SPPL3: variants seen among roughly 807,000 people sequenced by gnomAD.
The protein encoded by SPPL3 is signal peptide peptidase-like 3.
A neutral mutation model predicts 42.4 loss-of-function variants in SPPL3; 5 were observed. The observed-to-expected ratio is 0.12, with a 90% CI of 0.06 to 0.25. The LOEUF (loss-of-function observed/expected upper bound fraction) is 0.25. SPPL3 is among the 10% of genes least tolerant of loss of function. The probability of loss-of-function intolerance (pLI) is 1.00; values close to 1 mark genes in which losing one functional copy is unlikely to be tolerated. For synonymous variants in SPPL3, 195 were observed against 181.8 expected, an observed-to-expected ratio of 1.07 and a Z score of -0.58; for missense variants, 235 against 489.0, an observed-to-expected ratio of 0.48 and a Z score of 4.90.
chr12:120,853,000 T>A (rs11065295), intron 1 of SPPL3, among the ~76,000 whole-genome samples: 13,326 of 151,446 alleles, frequency 0.088, 1,719 homozygotes, highest in African/African-American at 0.29. Context: ...GTTCAAGCGA[T>A]TCTCCTGCCT....
In SPPL3 at chr12:120,799,985, G is replaced by A. The variant is rs900369660; in HGVS notation, c.102-8428C>T. On this transcript the variant is annotated intron_variant, in intron 2 of 10. Transcript: ENST00000353487. ...TTTTCAATTATAGGCCTTTAACTTAGCTTATTTGGTAATTTATTAAGTGCA... is the reference window on the plus strand; with the variant it reads ...TTTTCAATTATAGGCCTTTAACTTAACTTATTTGGTAATTTATTAAGTGCA... Among the ~76,000 whole-genome samples the A allele has an allele frequency of 2.0e-5, 3 of 152,216 alleles. No individual in the cohort carries two copies. In the East Asian group the frequency reaches 5.8e-4, roughly 29 times the overall value.
rs544892348 is a variant in SPPL3, at chr12:120,840,057, G to C, written c.24-29171C>G. On this transcript the variant is annotated intron_variant, in intron 1 of 10. Coordinates refer to ENST00000353487, the MANE Select transcript of SPPL3 (RefSeq NM_139015.5). ...ACACTTTGGGAGGCCGAGGCGGGTG[G>C]ATCACGAGGTCAGGAGTTCAAGACC... Among the ~76,000 whole-genome samples, 4 of 152,060 alleles carry C rather than the reference G, an allele frequency of 2.6e-5. No individual in the cohort carries two copies. In the South Asian group the frequency reaches 8.3e-4, roughly 32 times the overall value.
intron 3 of SPPL3, among the ~76,000 whole-genome samples, chr12:120,789,451 C>CAA (rs60082359): frequency 2.1e-5 from 2 of 96,198 alleles, no homozygotes; most frequent in South Asian, 4.5e-4. Flanking sequence ...GACTCTGTCT[C>CAA]AAAAAAAAAA....
chr12:120,776,137 G>A (rs1166052488), intron 6 of SPPL3, among the ~76,000 whole-genome samples: 2 of 152,230 alleles, frequency 1.3e-5, no homozygotes, highest in Admixed American at 6.5e-5. Context: ...TCACAAGGGC[G>A]TTTCAACCAG....
At chr12:120,829,521 A>AG (rs1871329992) in intron 1 of SPPL3, among the ~76,000 whole-genome samples, 1 of 152,014 alleles carries the variant, frequency 6.6e-6, no homozygotes, top group Non-Finnish European at 1.5e-5. Context: ...GCTTGGACCT[A>AG]GGGGGCAGGG....
At chr12:120,903,718 G>A (rs1874057819) in intron 1 of SPPL3, 127 bp downstream of exon 1, 3 of 729,750 alleles carry the variant, frequency 4.1e-6, no homozygotes, top group South Asian at 4.5e-5. Context: ...AGGGGGGCGT[G>A]CACCCCAACC....
chr12:120,852,128 G>A (rs1305799585), intron 1 of SPPL3, among the ~76,000 whole-genome samples: 7 of 151,868 alleles, frequency 4.6e-5, no homozygotes, highest in Admixed American at 6.6e-5. Context: ...GCAGGCCTGC[G>A]CTCCTCACAT....
intron 6 of SPPL3, among the ~76,000 whole-genome samples, chr12:120,775,427 C>T (rs753638907): frequency 6.6e-6 from 1 of 152,194 alleles, no homozygotes; most frequent in African/African-American, 2.4e-5. Context: ...GTTGGGATTA[C>T]AGGTGTGAGC....
rs572831164 is a variant in SPPL3 at position 120,796,811 on chromosome 12, C to T, written c.102-5254G>A. 7.9e-5 allele frequency among the ~76,000 whole-genome samples: 12 copies of T among 152,262 alleles called. No individual in the cohort carries two copies. In the East Asian group the frequency reaches 1.4e-3, roughly 17 times the overall value. On this transcript the variant is annotated intron_variant, in intron 2 of 10. Coordinates refer to ENST00000353487, the MANE Select transcript of SPPL3 (RefSeq NM_139015.5). Reference sequence around the variant, plus strand: ...AGGCTTTTGGAAGCAGGTACTCTCCCTTCTAATCCTTTCACATTATTCTTT... The same window carrying T: ...AGGCTTTTGGAAGCAGGTACTCTCCTTTCTAATCCTTTCACATTATTCTTT...
intron 1 of SPPL3, among the ~76,000 whole-genome samples, chr12:120,896,081 GAACTCCAAAAGAGAGAT>G (rs1325090325): frequency 6.6e-6 from 1 of 152,018 alleles, no homozygotes; most frequent in Non-Finnish European, 1.5e-5. Flanking sequence ...ATCCATGCTG[GAACTCCAAAAGAGAGAT>G]AACTAAGTTT....
At position 120,768,101 on chromosome 12, in the gene SPPL3, G is replaced by C. The variant is rs115344324; in HGVS notation, c.773+224C>G. On this transcript the variant is annotated intron_variant, in intron 8 of 10. Coordinates refer to ENST00000353487, the MANE Select transcript of SPPL3 (RefSeq NM_139015.5). ...TCTAAACAGTGGAAACAGCAGTAAGGCATGGCTGTTTGCTGACATTAATCA... is the reference window on the plus strand; with the variant it reads ...TCTAAACAGTGGAAACAGCAGTAAGCCATGGCTGTTTGCTGACATTAATCA... Among the ~76,000 whole-genome samples the C allele has an allele frequency of 5.9e-3, 898 of 152,286 alleles. 11 individuals carry two copies. The highest frequency in any genetic ancestry group is 0.02 in the African/African-American group (813 of 41,550).
intron 1 of SPPL3, among the ~76,000 whole-genome samples, chr12:120,839,125 T>C (rs1026514071): frequency 2.0e-5 from 3 of 151,554 alleles, no homozygotes; most frequent in East Asian, 3.9e-4. Context: ...CCAACAATGA[T>C]AGACTGGATT....
chr12:120,873,311 C>T (rs1872984301), intron 1 of SPPL3, among the ~76,000 whole-genome samples: 1 of 152,086 alleles, frequency 6.6e-6, no homozygotes, highest in Non-Finnish European at 1.5e-5. Flanking sequence ...ACCTGTGGAA[C>T]ACGATCAAGT....
intron 1 of SPPL3, among the ~76,000 whole-genome samples, chr12:120,833,899 G>A (rs566396677): frequency 4.3e-4 from 66 of 151,950 alleles, no homozygotes; most frequent in African/African-American, 1.5e-3. Context: ...GGCTACAGCT[G>A]AAAACTGAGA....
chr12:120,840,062 C>T (rs902057711), intron 1 of SPPL3, among the ~76,000 whole-genome samples: 4 of 151,438 alleles, frequency 2.6e-5, no homozygotes, highest in East Asian at 3.9e-4. Context: ...GGGTGGATCA[C>T]GAGGTCAGGA....
chr12:120,790,291 C>G (rs1188527411), intron 3 of SPPL3, among the ~76,000 whole-genome samples: 1 of 152,198 alleles, frequency 6.6e-6, no homozygotes, highest in Non-Finnish European at 1.5e-5. Flanking sequence ...TTGGCACTGC[C>G]AGGGACAATG....
intron 1 of SPPL3, among the ~76,000 whole-genome samples, chr12:120,837,179 G>A (rs1871648568): frequency 6.6e-6 from 1 of 152,162 alleles, no homozygotes. Flanking sequence ...TATATCTGAT[G>A]TTAATAAGTA....
At chr12:120,779,300 G>A (rs1300162909) in intron 6 of SPPL3, among the ~76,000 whole-genome samples, 1 of 152,158 alleles carries the variant, frequency 6.6e-6, no homozygotes, top group Non-Finnish European at 1.5e-5. Context: ...ACACCTCTGA[G>A]CCAGCCCCAG....
intron 1 of SPPL3, among the ~76,000 whole-genome samples, chr12:120,817,229 A>G (rs1178482475): frequency 6.6e-6 from 1 of 152,132 alleles, no homozygotes; most frequent in African/African-American, 2.4e-5. Context: ...CACAAGTTTC[A>G]GGTTGCAATG....
Sources: allele counts gnomAD v4.1 joint callset (sites outside exome capture counted in the v4.1 genomes callset), GRCh38; gene constraint gnomAD v4.1.1; transcripts MANE v1.5; gene names NCBI Gene and HGNC (gene_info 2026-07-23, HGNC 2026-07-21).